The following RICTOR variants were observed in gnomAD, a reference collection of about 807,000 sequenced individuals.
The protein encoded by RICTOR is RPTOR independent companion of MTOR complex 2.
A neutral mutation model predicts 214.9 loss-of-function variants in RICTOR; 49 were observed. The observed-to-expected ratio is 0.23, with a 90% CI of 0.18 to 0.29. RICTOR has a LOEUF of 0.29. Ranked by LOEUF, RICTOR falls within the 10% of genes least tolerant of loss-of-function variation. The pLI, the probability that RICTOR is intolerant of heterozygous loss-of-function variation, is 1.00. For missense variants in RICTOR, 1,625 were observed against 2,047.0 expected, an observed-to-expected ratio of 0.79 and a Z score of 3.98; for synonymous variants, 717 against 711.3, an observed-to-expected ratio of 1.01 and a Z score of -0.13.
At chr5:39,066,135 T>A (rs946781342) in intron 2 of RICTOR, among the ~76,000 whole-genome samples, 1 of 152,154 alleles carries the variant, frequency 6.6e-6, no homozygotes, top group African/African-American at 2.4e-5. Context: ...TTCTCATACA[T>A]CCTCTGAAAT....
chr5:39,028,059 T>G (rs1042823702), intron 2 of RICTOR, among the ~76,000 whole-genome samples: 1 of 151,512 alleles, frequency 6.6e-6, no homozygotes, highest in African/African-American at 2.4e-5. Context: ...CATCATTAAT[T>G]AACAGGAAAA....
intron 3 of RICTOR, among the ~76,000 whole-genome samples, chr5:39,019,951 GGAA>G (rs1755268428): frequency 6.6e-6 from 1 of 152,130 alleles, no homozygotes; most frequent in South Asian, 2.1e-4. Context: ...CCAGGAATTT[GGAA>G]GAAGTTTATT....
chr5:38,949,619 G>A (rs1406938911), intron 31 of RICTOR, 93 bp downstream of exon 31: 1 of 1,176,402 alleles, frequency 8.5e-7, no homozygotes, highest in Admixed American at 2.0e-5. Context: ...TCAGTGATGA[G>A]GCTCACATAG....
At chr5:39,069,539 G>GCAGA (rs1759156344) in intron 2 of RICTOR, among the ~76,000 whole-genome samples, 1 of 152,156 alleles carries the variant, frequency 6.6e-6, no homozygotes, top group African/African-American at 2.4e-5. Context: ...GTAAGTCTGG[G>GCAGA]CAGACAATTG....
chr5:38,971,183 T>A (rs912337184), intron 11 of RICTOR: 9 of 151,728 alleles, frequency 5.9e-5, no homozygotes, highest in African/African-American at 2.2e-4. Flanking sequence ...GGATTACAGG[T>A]GCCTGGCTAA....
At chr5:39,014,529 AAAAT>A (rs1337081260) in intron 3 of RICTOR, among the ~76,000 whole-genome samples, 3 of 152,148 alleles carry the variant, frequency 2.0e-5, no homozygotes, top group Non-Finnish European at 4.4e-5. Flanking sequence ...AAAGCAGAAC[AAAAT>A]AAATATTCTT....
In RICTOR at chr5:38,953,535, A is replaced by T; in HGVS notation, c.2716T>A (p.Cys906Ser). The T allele has an allele frequency of 1.4e-6, 2 of 1,398,746 alleles. No homozygotes were observed. The highest frequency in any genetic ancestry group is 1.9e-6 in the Non-Finnish European group (2 of 1,048,508). The allele number at this position is 1,398,746 out of a possible 1,614,324, so 86.6% of individuals were successfully genotyped here. A position where few individuals can be genotyped will look rare whatever the true frequency, so the allele number is the denominator to read the frequency against. The change falls in exon 28 of 38, where the codon TGT (cysteine) becomes AGT (serine). Residue 906 changes from cysteine to serine, a missense_variant. This residue lies in a region of RICTOR where 1,214 missense variants were observed against 1,470.5 expected (regional missense o/e 0.83). Coordinates refer to ENST00000357387, the MANE Select transcript of RICTOR (RefSeq NM_152756.5). The part of the protein sequence containing the change: ...LEVQNIITEL[C>S]RNVRTPDLDK... ...AAATCTGGTGTACGAACATTACGAC[A>T]GAGTTCTGTAATAATATTCTGGAGA...
chr5:39,011,819 T>C lies in RICTOR; in HGVS notation c.196-8197A>G, dbSNP rs190661794. Among the ~76,000 whole-genome samples, 3 of 152,360 alleles carry C rather than the reference T, an allele frequency of 2.0e-5. No homozygotes were observed. In the East Asian group the frequency reaches 5.8e-4, roughly 29 times the overall value. ...TTACCCAATGCCTGTACCCTCATTGTATCTAGGAAGTAACTAACTTGCTTT... is the reference window on the plus strand; with the variant it reads ...TTACCCAATGCCTGTACCCTCATTGCATCTAGGAAGTAACTAACTTGCTTT... On this transcript the variant is annotated intron_variant, in intron 3 of 37. Coordinates refer to ENST00000357387, the MANE Select transcript of RICTOR (RefSeq NM_152756.5).
rs1207264247 is a variant in RICTOR, at chr5:39,074,145, G to A, written c.63C>T (p.Ser21=). ...GATCCAGCGGGACGTTCTCCTCGCCGCTGTCATTCCGCCCTGCGCGAAACA... is the reference window on the plus strand; with the variant it reads ...GATCCAGCGGGACGTTCTCCTCGCCACTGTCATTCCGCCCTGCGCGAAACA... The part of the protein sequence containing the change: ...KNLRVRGRND[S]GEENVPLDLT... Residue 21 remains serine, a synonymous_variant, in exon 2 of 38, where the codon AGC becomes AGT. Transcript: ENST00000357387. The A allele has an allele frequency of 1.9e-6, 3 of 1,585,202 alleles. No homozygotes were observed. Among genetic ancestry groups the A allele is most frequent in the Non-Finnish European group, 2.6e-6 (3 of 1,167,748 alleles).
intron 3 of RICTOR, among the ~76,000 whole-genome samples, chr5:39,018,361 T>C (rs187424294): frequency 2.9e-4 from 44 of 152,280 alleles, no homozygotes; most frequent in Non-Finnish European, 5.9e-4. Flanking sequence ...ATGGCACACA[T>C]ATGTAGTTAC....
At chr5:38,948,676 G>T (rs1748437433) in intron 31 of RICTOR, among the ~76,000 whole-genome samples, 1 of 152,046 alleles carries the variant, frequency 6.6e-6, no homozygotes, top group Non-Finnish European at 1.5e-5. Context: ...GCATAGATTT[G>T]TAACAGTGAG....
At chr5:38,962,175 AT>A (rs10709459) in intron 19 of RICTOR, 139 bp downstream of exon 19, 365,674 of 376,288 alleles carry the variant, frequency 0.97, 177,863 homozygotes, top group East Asian at 0.99. Context: ...TATATTAAAA[AT>A]ATATATGAGT....
At chr5:38,965,695 A>G (rs1463944773) in intron 15 of RICTOR, among the ~76,000 whole-genome samples, 4 of 152,076 alleles carry the variant, frequency 2.6e-5, no homozygotes, top group African/African-American at 9.7e-5. Context: ...GAACAGAGCA[A>G]GCAGCTAAAT....
chr5:38,947,097 A>G (rs989535804), intron 32 of RICTOR, among the ~76,000 whole-genome samples, 167 bp downstream of exon 32: 8 of 152,182 alleles, frequency 5.3e-5, no homozygotes, highest in African/African-American at 1.9e-4. Context: ...GTAGTTGAAA[A>G]GGGCAAAATA....
chr5:39,040,325 G>A (rs1215837215), intron 2 of RICTOR, among the ~76,000 whole-genome samples: 3 of 122,122 alleles, frequency 2.5e-5, no homozygotes, highest in African/African-American at 9.2e-5. Context: ...TGAGGGGTGG[G>A]GGGAGGGGGG....
At chr5:39,041,940 CAAAAAAAAAAAA>C (rs35609106) in intron 2 of RICTOR, among the ~76,000 whole-genome samples, 99 of 84,626 alleles carry the variant, frequency 1.2e-3, no homozygotes, top group African/African-American at 3.7e-3. Flanking sequence ...GACCCTGTTT[CAAAAAAAAAAAA>C]AAAAAAAAAA....
chr5:38,993,522 G>A (rs1752941971), intron 6 of RICTOR, among the ~76,000 whole-genome samples: 1 of 151,974 alleles, frequency 6.6e-6, no homozygotes, highest in Admixed American at 6.6e-5. Flanking sequence ...ATTTCCAAAT[G>A]AATGAGATGG....
intron 9 of RICTOR, among the ~76,000 whole-genome samples, chr5:38,976,096 T>C (rs1403034854): frequency 6.6e-6 from 1 of 152,242 alleles, no homozygotes; most frequent in Non-Finnish European, 1.5e-5. Flanking sequence ...CACCAGCTAC[T>C]TTCTTCCTTG....
chr5:38,946,592 A>G (rs1016369714), intron 32 of RICTOR, 40 bp from the exon 33 acceptor site: 2 of 1,242,754 alleles, frequency 1.6e-6, no homozygotes, highest in Non-Finnish European at 2.4e-6. Flanking sequence ...CTGCTATAAA[A>G]ATAAGCCCAC....
Sources: allele counts gnomAD v4.1 joint callset (sites outside exome capture counted in the v4.1 genomes callset), GRCh38; gene constraint gnomAD v4.1.1; regional missense constraint gnomAD v4.1.1; transcripts MANE v1.5; gene names NCBI Gene and HGNC (gene_info 2026-07-23, HGNC 2026-07-21).